ASIC2: variants seen among roughly 807,000 people sequenced by gnomAD.
The protein encoded by ASIC2 is acid-sensing ion channel 2.
In ASIC2, 25 loss-of-function variants were observed where a neutral mutation model predicts 57.3. The ratio of observed to expected loss-of-function variants is 0.44; its 90% confidence interval spans 0.32 to 0.61. The LOEUF is 0.61. ASIC2 is among the 20% of genes least tolerant of loss of function. The pLI is 0.06. For synonymous variants in ASIC2, 319 were observed against 307.5 expected (o/e 1.04, Z -0.39); for missense variants, 641 against 738.1 (o/e 0.87, Z 1.52).
intron 1 of ASIC2, among the ~76,000 whole-genome samples, chr17:33,895,034 T>C (rs1241033593): frequency 6.6e-6 from 1 of 152,192 alleles, no homozygotes; most frequent in Non-Finnish European, 1.5e-5. Context: ...CGCTGCTGGG[T>C]TGTACATTCA....
At chr17:33,543,499 T>C (rs1915487262) in intron 1 of ASIC2, among the ~76,000 whole-genome samples, 1 of 152,132 alleles carries the variant, frequency 6.6e-6, no homozygotes, top group Non-Finnish European at 1.5e-5. Context: ...GGAGCCCCTA[T>C]TTCAACATAG....
At chr17:33,466,169 AT>A (rs1380249213) in intron 1 of ASIC2, among the ~76,000 whole-genome samples, 2 of 152,364 alleles carry the variant, frequency 1.3e-5, no homozygotes, top group Admixed American at 1.3e-4. Context: ...GTGTGCAAAA[AT>A]CACAAGCATT....
intron 1 of ASIC2, among the ~76,000 whole-genome samples, chr17:34,057,468 G>A (rs1422051435): frequency 1.3e-5 from 2 of 152,214 alleles, no homozygotes; most frequent in Non-Finnish European, 2.9e-5. Context: ...GTGCCTGTCT[G>A]ATGATGGGAC....
chr17:33,809,618 A>G (rs1411150265), intron 1 of ASIC2, among the ~76,000 whole-genome samples: 2 of 152,206 alleles, frequency 1.3e-5, no homozygotes, highest in African/African-American at 2.4e-5. Flanking sequence ...AGTTGATGAG[A>G]GTGCATGGTG....
intron 1 of ASIC2, among the ~76,000 whole-genome samples, chr17:33,122,384 G>T (rs559456698): frequency 8.5e-5 from 13 of 152,208 alleles, no homozygotes; most frequent in African/African-American, 3.1e-4. Context: ...CTAGCAGAGG[G>T]TACTCACTTG....
chr17:33,376,323 C>T (rs1909275788), intron 1 of ASIC2, among the ~76,000 whole-genome samples: 1 of 151,534 alleles, frequency 6.6e-6, no homozygotes, highest in African/African-American at 2.4e-5. Flanking sequence ...ACATTTTTTC[C>T]CCATCAAATT....
chr17:33,221,632 C>A (rs577875113), intron 1 of ASIC2, among the ~76,000 whole-genome samples: 3 of 152,286 alleles, frequency 2.0e-5, no homozygotes, highest in African/African-American at 7.2e-5. Context: ...TCAGATCTGA[C>A]TTCATAAAAG....
chr17:34,153,930 T>C (rs948722304), intron 1 of ASIC2, among the ~76,000 whole-genome samples: 1 of 152,210 alleles, frequency 6.6e-6, no homozygotes, highest in Non-Finnish European at 1.5e-5. Flanking sequence ...TAAAGACCTC[T>C]TGGGACCTCA....
At chr17:33,837,844 T>C (rs1449318737) in intron 1 of ASIC2, among the ~76,000 whole-genome samples, 1 of 152,164 alleles carries the variant, frequency 6.6e-6, no homozygotes, top group Non-Finnish European at 1.5e-5. Context: ...TTCACTAACA[T>C]CATCCAAACT....
intron 1 of ASIC2, among the ~76,000 whole-genome samples, chr17:33,554,175 G>A (rs889291827): frequency 1.3e-5 from 2 of 152,226 alleles, no homozygotes; most frequent in African/African-American, 4.8e-5. Flanking sequence ...GGTTTCCTAT[G>A]AGTGAAATTG....
chr17:33,269,678 C>CCTTCCTTCCTTCTTT (rs1904388791), intron 1 of ASIC2, among the ~76,000 whole-genome samples: 1 of 64,908 alleles, frequency 1.5e-5, no homozygotes. Context: ...TTCCTTCCCT[C>CCTTCCTTCCTTCTTT]CCTCCCTCCT....
At chr17:33,423,912 C>T (rs1911128697) in intron 1 of ASIC2, among the ~76,000 whole-genome samples, 1 of 152,190 alleles carries the variant, frequency 6.6e-6, no homozygotes, top group Non-Finnish European at 1.5e-5. Flanking sequence ...AGAAATGTAC[C>T]AGTTGCTGTG....
intron 1 of ASIC2, among the ~76,000 whole-genome samples, chr17:34,099,458 GAAAGAA>G (rs1224729177): frequency 3.8e-5 from 1 of 26,602 alleles, no homozygotes; most frequent in Admixed American, 6.0e-4. Flanking sequence ...AGAAAGAAAA[GAAAGAA>G]AGAGAGAGAA....
intron 1 of ASIC2, among the ~76,000 whole-genome samples, chr17:33,683,869 C>T (rs558999102): frequency 3.3e-5 from 5 of 152,160 alleles, no homozygotes; most frequent in African/African-American, 9.7e-5. Context: ...ACCCTTTTCC[C>T]GTAGGGCCTC....
intron 1 of ASIC2, among the ~76,000 whole-genome samples, chr17:33,773,390 A>G (rs1406741660): frequency 6.6e-6 from 1 of 152,154 alleles, no homozygotes; most frequent in Non-Finnish European, 1.5e-5. Context: ...CTGCTGCTCA[A>G]CTGAGCAGAG....
intron 1 of ASIC2, among the ~76,000 whole-genome samples, chr17:33,949,894 G>A (rs1322892536): frequency 1.3e-5 from 2 of 152,208 alleles, no homozygotes; most frequent in Non-Finnish European, 2.9e-5. Context: ...AATTCCCAAT[G>A]AGAAATGAAA....
intron 1 of ASIC2, among the ~76,000 whole-genome samples, chr17:33,813,727 C>T (rs1419667933): frequency 6.6e-6 from 1 of 152,250 alleles, no homozygotes; most frequent in Non-Finnish European, 1.5e-5. Flanking sequence ...TGAGCCACTG[C>T]GCCCGGCCTA....
intron 1 of ASIC2, among the ~76,000 whole-genome samples, chr17:33,674,861 T>C (rs1567685804): frequency 1.3e-5 from 2 of 152,214 alleles, no homozygotes; most frequent in Non-Finnish European, 2.9e-5. Flanking sequence ...ATTTGTGGTC[T>C]GAGCCCAGAA....
intron 1 of ASIC2, among the ~76,000 whole-genome samples, chr17:33,845,132 G>A (rs1285203361): frequency 6.6e-6 from 1 of 152,222 alleles, no homozygotes; most frequent in Admixed American, 6.5e-5. Context: ...AAATTCCGGA[G>A]TTACAGAATT....
Sources: gnomAD v4.1 joint callset for allele counts (sites outside exome capture counted in the v4.1 genomes callset) on GRCh38, gnomAD v4.1.1 for gene constraint, MANE v1.5 for transcripts, NCBI Gene and HGNC (gene_info 2026-07-23, HGNC 2026-07-21) for gene names.